The following CDH4 variants were observed in gnomAD, a reference collection of about 807,000 sequenced individuals.
CDH4 encodes cadherin-4.
CDH4 carries 33 observed loss-of-function variants against 86.0 expected under a neutral mutation model. That is an observed-to-expected ratio of 0.38 (90% CI 0.29 to 0.51). The LOEUF (loss-of-function observed/expected upper bound fraction) is 0.51. CDH4 is among the 20% of genes least tolerant of loss of function. The pLI, the probability that CDH4 is intolerant of heterozygous loss-of-function variation, is 0.86. For synonymous variants in CDH4, 555 were observed against 549.4 expected, an observed-to-expected ratio of 1.01 and a Z score of -0.14; for missense variants, 1,114 against 1,307.4, an observed-to-expected ratio of 0.85 and a Z score of 2.28.
chr20:61,538,478 C>T (rs1421842611), intron 2 of CDH4, among the ~76,000 whole-genome samples: 1 of 152,198 alleles, frequency 6.6e-6, no homozygotes, highest in Non-Finnish European at 1.5e-5. Flanking sequence ...CCACTCCTGA[C>T]CTCATCCTTC....
chr20:61,900,501 G>A (rs1402689370), intron 8 of CDH4, among the ~76,000 whole-genome samples: 2 of 152,286 alleles, frequency 1.3e-5, no homozygotes, highest in East Asian at 3.9e-4. Context: ...CTGCAGAGGG[G>A]GCGCTTCTGA....
intron 2 of CDH4, among the ~76,000 whole-genome samples, chr20:61,416,080 C>A (rs1329559891): frequency 1.3e-5 from 2 of 149,328 alleles, no homozygotes; most frequent in African/African-American, 2.5e-5. Flanking sequence ...CAGCTCACTG[C>A]AACCTCTGCC....
rs1600694110 is a variant in CDH4, at chr20:61,458,544, T to A, written c.169+203607T>A. Reference sequence around the variant, plus strand: ...ATGACAGTGCTGACACTGGTGGTGGTGATGATAATGGAGGTGATGATAGTG... The same window carrying A: ...ATGACAGTGCTGACACTGGTGGTGGAGATGATAATGGAGGTGATGATAGTG... On this transcript the variant is annotated intron_variant, in intron 2 of 15. Transcript: ENST00000614565. Among the ~76,000 whole-genome samples, 3 of 152,062 alleles carry A rather than the reference T, an allele frequency of 2.0e-5. 1 individual carries two copies. Among genetic ancestry groups the A allele is most frequent in the Admixed American group, 2.0e-4 (3 of 15,276 alleles).
In CDH4 at chr20:61,623,256, C is replaced by T. The variant is rs2086795301; in HGVS notation, c.170-120307C>T. 1.3e-5 allele frequency among the ~76,000 whole-genome samples: 2 copies of T among 152,134 alleles called. No homozygotes were observed. The highest frequency in any genetic ancestry group is 4.8e-5 in the African/African-American group (2 of 41,440). On this transcript the variant is annotated intron_variant, in intron 2 of 15. Coordinates refer to ENST00000614565, the MANE Select transcript of CDH4 (RefSeq NM_001794.5). The surrounding 1 kb of genome is among the most constrained non-coding windows in gnomAD (Gnocchi z 4.4). ...GCACCCCACTCACCACACTGCGGCGCCTGCTTTTTCCTTGAGCATCTGGGA... is the reference window on the plus strand; with the variant it reads ...GCACCCCACTCACCACACTGCGGCGTCTGCTTTTTCCTTGAGCATCTGGGA...
chr20:61,728,490 G>T (rs148685743), intron 2 of CDH4, among the ~76,000 whole-genome samples: 232 of 152,276 alleles, frequency 1.5e-3, no homozygotes, highest in African/African-American at 5.2e-3. Flanking sequence ...CATGAGGCTC[G>T]TGAGGGTGGG....
At chr20:61,794,142 C>CAAAAAAAA (rs59426596) in intron 4 of CDH4, among the ~76,000 whole-genome samples, 1 of 121,670 alleles carries the variant, frequency 8.2e-6, no homozygotes, top group Non-Finnish European at 1.7e-5. Context: ...GACTCTATCT[C>CAAAAAAAA]AAAAAAAAAA....
intron 2 of CDH4, among the ~76,000 whole-genome samples, chr20:61,511,574 CACTT>C (rs1185910120): frequency 1.3e-5 from 2 of 152,234 alleles, no homozygotes; most frequent in Non-Finnish European, 2.9e-5. Flanking sequence ...TCCCAACACT[CACTT>C]AAGTCTACTT....
chr20:61,406,318 A>ACCATCTG (rs2085082135), intron 2 of CDH4, among the ~76,000 whole-genome samples: 1 of 146,402 alleles, frequency 6.8e-6, no homozygotes, highest in African/African-American at 2.6e-5. Flanking sequence ...TGCCTGGACC[A>ACCATCTG]CCATCTGCTC....
chr20:61,844,016 G>T (rs1982306773), intron 4 of CDH4, among the ~76,000 whole-genome samples: 1 of 152,170 alleles, frequency 6.6e-6, no homozygotes, highest in African/African-American at 2.4e-5. Flanking sequence ...TGAAAGACGT[G>T]CATCTTGTTT....
intron 2 of CDH4, among the ~76,000 whole-genome samples, chr20:61,275,226 A>G (rs2084221899): frequency 7.9e-6 from 1 of 127,126 alleles, no homozygotes; most frequent in Non-Finnish European, 1.6e-5. Context: ...TTGGGGGAGT[A>G]CCGTGTGCAG....
chr20:61,686,925 C>G (rs1568755973), intron 2 of CDH4, among the ~76,000 whole-genome samples: 1 of 152,126 alleles, frequency 6.6e-6, no homozygotes. Flanking sequence ...AAAGCTTCCC[C>G]TCCAAACCAA....
In CDH4 at chr20:61,353,170, T is replaced by C. The variant is rs572281976; in HGVS notation, c.169+98233T>C. Among the ~76,000 whole-genome samples, 11 of 152,294 alleles carry C rather than the reference T, an allele frequency of 7.2e-5. No individual in the cohort carries two copies. The South Asian group carries it at 2.3e-3, about 32-fold the overall frequency. On this transcript the variant is annotated intron_variant, in intron 2 of 15. Transcript: ENST00000614565. ...CTCTGCTGTGTCTCAGGTTTCCACC[T>C]GTGGAAAGCATATACATGATGAATG...
At chr20:61,900,486 G>A (rs908019688) in intron 8 of CDH4, among the ~76,000 whole-genome samples, 27 of 152,170 alleles carry the variant, frequency 1.8e-4, no homozygotes, top group Non-Finnish European at 3.2e-4. Flanking sequence ...GCTTCCCAGA[G>A]ACGGCTGCAG....
At chr20:61,662,334 G>A (rs774373509) in intron 2 of CDH4, among the ~76,000 whole-genome samples, 3 of 152,222 alleles carry the variant, frequency 2.0e-5, no homozygotes, top group African/African-American at 4.8e-5. Context: ...TCCTGGAGCC[G>A]CACAGCGCAA....
At chr20:61,896,975 G>A (rs998004475) in intron 8 of CDH4, among the ~76,000 whole-genome samples, 8 of 152,078 alleles carry the variant, frequency 5.3e-5, no homozygotes, top group Non-Finnish European at 8.8e-5. Flanking sequence ...TGCCTTTCTC[G>A]GAGCCAGCAT....
In CDH4 at chr20:61,940,213, T is replaced by C. The variant is rs924245633; in HGVS notation, c.*3270T>C. ...AGCGGGGGACCACCTCTCTGTACAA[T>C]TGGAATGCGTTTTACTTTTCTTTTC... is the stretch of plus-strand genomic sequence containing the variant. On this transcript the variant is annotated 3_prime_UTR_variant, in exon 16 of 16. Coordinates refer to ENST00000614565, the MANE Select transcript of CDH4 (RefSeq NM_001794.5). 3.3e-5 allele frequency: 5 copies of C among 152,142 alleles called. No individual in the cohort carries two copies. The highest frequency in any genetic ancestry group is 5.9e-5 in the Non-Finnish European group (4 of 68,042). The allele number at this position is 152,142 out of a possible 1,614,324, so 9.4% of individuals were successfully genotyped here.
At chr20:61,898,917 G>A in intron 8 of CDH4, among the ~76,000 whole-genome samples, 1 of 152,226 alleles carries the variant, frequency 6.6e-6, no homozygotes, top group East Asian at 1.9e-4. Context: ...CAGACCTGGA[G>A]TCCTGTCCCG....
At chr20:61,923,263 G>A (rs1334310360) in intron 9 of CDH4, among the ~76,000 whole-genome samples, 188 bp from the exon 10 acceptor site, 1 of 152,230 alleles carries the variant, frequency 6.6e-6, no homozygotes, top group Non-Finnish European at 1.5e-5. Flanking sequence ...GCCAAACCCA[G>A]CAGGAAGCCA....
chr20:61,288,393 G>A (rs1312813966), intron 2 of CDH4, among the ~76,000 whole-genome samples: 1 of 152,196 alleles, frequency 6.6e-6, no homozygotes, highest in African/African-American at 2.4e-5. Context: ...GTGGCCATTG[G>A]TTGCTGGGTG....
Sources: allele counts gnomAD v4.1 joint callset (sites outside exome capture counted in the v4.1 genomes callset), GRCh38; gene constraint gnomAD v4.1.1; non-coding constraint Gnocchi (gnomAD v3.1); transcripts MANE v1.5; gene names NCBI Gene and HGNC (gene_info 2026-07-23, HGNC 2026-07-21).